The following C1QTNF7 variants were observed in gnomAD, a reference collection of about 807,000 sequenced individuals.
C1QTNF7 encodes complement C1q tumor necrosis factor-related protein 7.
A neutral mutation model predicts 19.6 loss-of-function variants in C1QTNF7; 15 were observed. The observed-to-expected ratio is 0.76, with a 90% CI of 0.51 to 1.18. C1QTNF7 has a LOEUF of 1.18. Ranked by LOEUF, C1QTNF7 falls within the 50% of genes most tolerant of loss-of-function variation. C1QTNF7 has a pLI of 0.00. For missense variants in C1QTNF7, 324 were observed against 359.7 expected, an observed-to-expected ratio of 0.90 and a Z score of 0.80; for synonymous variants, 142 against 137.5, an observed-to-expected ratio of 1.03 and a Z score of -0.23.
At chr4:15,354,419 C>T (rs773115561) in intron 1 of C1QTNF7, among the ~76,000 whole-genome samples, 10 of 152,014 alleles carry the variant, frequency 6.6e-5, no homozygotes, top group Non-Finnish European at 1.5e-4. Flanking sequence ...CGAAGCTGAC[C>T]ATGTGTGGGG....
At chr4:15,371,472 G>T (rs752966535) in intron 1 of C1QTNF7, among the ~76,000 whole-genome samples, 3 of 152,116 alleles carry the variant, frequency 2.0e-5, no homozygotes, top group Admixed American at 6.5e-5. Context: ...CTAATGGCTG[G>T]ACATATCTTA....
chr4:15,344,976 G>A (rs373333696), intron 1 of C1QTNF7, among the ~76,000 whole-genome samples: 2 of 152,196 alleles, frequency 1.3e-5, no homozygotes, highest in East Asian at 1.9e-4. Flanking sequence ...ATGATCTTCT[G>A]CAGTTCCCAA....
Position 15,442,340 on chromosome 4 carries a change from A to T in C1QTNF7, c.411A>T (p.Gly137=), listed in dbSNP as rs139272872. ...AACAAGGGGACCCGGGGCTGCCTGG[A>T]GTTTGCAGATGTGGAAGCATCGTGC... ...RGEQGDPGLP[G]VCRCGSIVLK... is the part of the protein sequence containing the mutation. The change falls in exon 3 of 3, where the codon GGA becomes GGT. Residue 137 remains glycine (G), a synonymous_variant. Transcript: ENST00000444304. 35 of 1,614,126 alleles carry T rather than the reference A, an allele frequency of 2.2e-5. No homozygotes were observed. The highest frequency in any genetic ancestry group is 2.9e-5 in the Non-Finnish European group (34 of 1,180,028).
intron 1 of C1QTNF7, among the ~76,000 whole-genome samples, chr4:15,406,233 C>T (rs1719190508): frequency 6.6e-6 from 1 of 152,184 alleles, no homozygotes; most frequent in South Asian, 2.1e-4. Flanking sequence ...CCGCCAGGAT[C>T]CACACTTTGC....
At chr4:15,366,892 A>G (rs1295814972) in intron 1 of C1QTNF7, among the ~76,000 whole-genome samples, 3 of 152,174 alleles carry the variant, frequency 2.0e-5, no homozygotes, top group African/African-American at 7.2e-5. Flanking sequence ...GCTGATGCAC[A>G]TGAGGAATGG....
upstream of C1QTNF7, among the ~76,000 whole-genome samples, chr4:15,425,925 C>T (rs1055518274): frequency 5.9e-5 from 9 of 152,256 alleles, no homozygotes; most frequent in African/African-American, 2.2e-4. Context: ...TACAATTCTA[C>T]ATTCTATAAC....
chr4:15,408,275 CAAAAA>C (rs71179625), intron 1 of C1QTNF7, among the ~76,000 whole-genome samples: 2 of 78,442 alleles, frequency 2.5e-5, no homozygotes, highest in Admixed American at 1.5e-4. Flanking sequence ...GACTCTGTCT[CAAAAA>C]AAAAAAAAAA....
chr4:15,348,535 T>C (rs1171499570), intron 1 of C1QTNF7, among the ~76,000 whole-genome samples: 1 of 152,100 alleles, frequency 6.6e-6, no homozygotes, highest in African/African-American at 2.4e-5. Flanking sequence ...ATCTAAACCA[T>C]CTGCAGGACC....
chr4:15,355,109 G>T (rs887799935), intron 1 of C1QTNF7, among the ~76,000 whole-genome samples: 2 of 152,130 alleles, frequency 1.3e-5, no homozygotes, highest in Non-Finnish European at 2.9e-5. Context: ...AGCTTGCTCA[G>T]TTGCAGAATA....
intron 1 of C1QTNF7, among the ~76,000 whole-genome samples, chr4:15,410,244 T>C (rs552806550): frequency 1.1e-4 from 17 of 152,316 alleles, no homozygotes; most frequent in African/African-American, 3.4e-4. Context: ...TTTTTTTTCT[T>C]AGAGATGTAA....
intron 1 of C1QTNF7, among the ~76,000 whole-genome samples, chr4:15,390,225 G>A (rs1321320535): frequency 6.6e-6 from 1 of 152,182 alleles, no homozygotes; most frequent in Admixed American, 6.5e-5. Context: ...GGAACACTAA[G>A]GAAGGAGCTG....
intron 1 of C1QTNF7, among the ~76,000 whole-genome samples, chr4:15,341,927 G>A (rs575901677): frequency 6.6e-6 from 1 of 152,226 alleles, no homozygotes; most frequent in African/African-American, 2.4e-5. Flanking sequence ...CTTCCTCACG[G>A]GCTCCAATGG....
intron 1 of C1QTNF7, chr4:15,358,568 C>G (rs955211349): frequency 6.6e-6 from 1 of 152,130 alleles, no homozygotes; most frequent in Non-Finnish European, 1.5e-5. Context: ...GTTTTGGTAT[C>G]AGGATGATGC....
chr4:15,425,413 C>T (rs893802570), upstream of C1QTNF7, among the ~76,000 whole-genome samples: 1 of 152,032 alleles, frequency 6.6e-6, no homozygotes, highest in Admixed American at 6.6e-5. Context: ...TAAATGTGAA[C>T]AGATGGAGAA....
At chr4:15,423,318 C>T (rs966011095), upstream of C1QTNF7, among the ~76,000 whole-genome samples, 3 of 37,142 alleles carry the variant, frequency 8.1e-5, no homozygotes, top group Non-Finnish European at 1.9e-4. Flanking sequence ...CCTGTCTTCG[C>T]TTTCAAGCTG....
chr4:15,426,421 T>G (rs1292899530), upstream of C1QTNF7, among the ~76,000 whole-genome samples: 1 of 152,112 alleles, frequency 6.6e-6, no homozygotes, highest in Non-Finnish European at 1.5e-5. Context: ...GGAAAAAGAA[T>G]GAGTTCAGAA....
intron 1 of C1QTNF7, among the ~76,000 whole-genome samples, chr4:15,347,549 G>C (rs1028061692): frequency 1.3e-5 from 2 of 152,142 alleles, no homozygotes; most frequent in Non-Finnish European, 2.9e-5. Context: ...CCAAATTTCA[G>C]ATGATTTTCA....
intron 1 of C1QTNF7, among the ~76,000 whole-genome samples, chr4:15,386,742 A>G (rs1421677336): frequency 6.6e-6 from 1 of 152,170 alleles, no homozygotes; most frequent in Non-Finnish European, 1.5e-5. Context: ...TCTAGGCAGG[A>G]AGAACAGTGT....
At chr4:15,441,526 T>C (rs1712755489) in intron 2 of C1QTNF7, among the ~76,000 whole-genome samples, 1 of 152,218 alleles carries the variant, frequency 6.6e-6, no homozygotes, top group Non-Finnish European at 1.5e-5. Flanking sequence ...AGAAATAATA[T>C]CATCATGCTC....
Sources: allele counts gnomAD v4.1 joint callset (sites outside exome capture counted in the v4.1 genomes callset), GRCh38; gene constraint gnomAD v4.1.1; transcripts MANE v1.5; gene names NCBI Gene and HGNC (gene_info 2026-07-23, HGNC 2026-07-21).